HIVEP2: variants seen among roughly 807,000 people sequenced by gnomAD.
The protein encoded by HIVEP2 is HIVEP zinc finger 2.
In HIVEP2, 14 loss-of-function variants were observed where a neutral mutation model predicts 180.7. That is an observed-to-expected ratio of 0.08 (90% confidence interval 0.05 to 0.12). The LOEUF is 0.12. HIVEP2 is among the 10% of genes least tolerant of loss of function. The pLI, the probability that HIVEP2 is intolerant of heterozygous loss-of-function variation, is 1.00. For missense variants in HIVEP2, 2,579 were observed against 3,008.5 expected (o/e 0.86, Z 3.34); for synonymous variants, 1,184 against 1,136.4 (o/e 1.04, Z -0.84).
At chr6:142,793,311 C>T (rs1275015994) in intron 2 of HIVEP2, among the ~76,000 whole-genome samples, 3 of 152,086 alleles carry the variant, frequency 2.0e-5, no homozygotes, top group African/African-American at 7.2e-5. Flanking sequence ...GATACTCATG[C>T]TGTGCTTCAT....
intron 1 of HIVEP2, among the ~76,000 whole-genome samples, chr6:142,905,666 A>C (rs1233674326): frequency 1.3e-5 from 2 of 152,206 alleles, no homozygotes; most frequent in Non-Finnish European, 2.9e-5. Flanking sequence ...TTTACTGTCT[A>C]ATTTATCAAT....
chr6:142,763,355 T>C (rs1001933751), intron 7 of HIVEP2, among the ~76,000 whole-genome samples: 9 of 151,910 alleles, frequency 5.9e-5, no homozygotes, highest in African/African-American at 2.2e-4. Context: ...ACAATGTGGG[T>C]TTGGACAACA....
chr6:142,894,811 G>A (rs1328906521), intron 1 of HIVEP2, among the ~76,000 whole-genome samples: 1 of 152,094 alleles, frequency 6.6e-6, no homozygotes, highest in Non-Finnish European at 1.5e-5. Context: ...TGAACGCAGG[G>A]TCTCCGGCAT....
chr6:142,812,245 T>C (rs1212474960), intron 2 of HIVEP2, among the ~76,000 whole-genome samples: 1 of 152,154 alleles, frequency 6.6e-6, no homozygotes, highest in East Asian at 1.9e-4. Context: ...GTGAGGAAAC[T>C]ACCTGCAGCC....
At chr6:142,915,335 G>A (rs1777524198) in intron 1 of HIVEP2, among the ~76,000 whole-genome samples, 1 of 152,150 alleles carries the variant, frequency 6.6e-6, no homozygotes, top group Non-Finnish European at 1.5e-5. Flanking sequence ...GACAGAAATG[G>A]CGAACACTAC....
intron 1 of HIVEP2, among the ~76,000 whole-genome samples, chr6:142,842,445 GAGA>G (rs772858168): frequency 2.0e-4 from 30 of 152,028 alleles, no homozygotes; most frequent in Non-Finnish European, 3.7e-4. Context: ...TGAAAGGGAA[GAGA>G]AGGACAAAAA....
chr6:142,942,444 T>C (rs1778203361), intron 1 of HIVEP2, among the ~76,000 whole-genome samples: 1 of 152,236 alleles, frequency 6.6e-6, no homozygotes, highest in Non-Finnish European at 1.5e-5. Flanking sequence ...AACGTCTCCC[T>C]ATATACTGTC....
chr6:142,841,459 A>G (rs866926538), intron 1 of HIVEP2, among the ~76,000 whole-genome samples: 24 of 149,992 alleles, frequency 1.6e-4, no homozygotes, highest in Non-Finnish European at 2.5e-4. Flanking sequence ...TGTGTGTGTT[A>G]GTTTTAATTA....
In HIVEP2 at chr6:142,772,630, T is replaced by G; in HGVS notation, c.2109A>C (p.Val703=). ...ENRKRRKEKS[V]GDEEDTPMIC... ...TCATGGGCGTGTCCTCTTCATCCCC[T>G]ACGCTCTTCTCTTTCCGGCGTTTCC... The change falls in exon 5 of 10, where the codon GTA becomes GTC. Residue 703 remains valine, a synonymous_variant. Transcript: ENST00000367603. The surrounding 1 kb of genome is among the most constrained non-coding windows in gnomAD (Gnocchi z 4.9). 6.2e-7 allele frequency: 1 copy of G among 1,614,222 alleles called. No individual in the cohort carries two copies.
At chr6:142,765,052 T>C in intron 6 of HIVEP2, 78 bp from the exon 7 acceptor site, 1 of 1,365,832 alleles carries the variant, frequency 7.3e-7, no homozygotes, top group Non-Finnish European at 9.9e-7. Flanking sequence ...GCTAATTATT[T>C]GCACGGCAAA....
intron 1 of HIVEP2, among the ~76,000 whole-genome samples, chr6:142,895,017 G>C (rs1165040890): frequency 6.6e-6 from 1 of 152,166 alleles, no homozygotes; most frequent in East Asian, 1.9e-4. Flanking sequence ...CAATTTAATT[G>C]TTTATAACAG....
intron 1 of HIVEP2, among the ~76,000 whole-genome samples, chr6:142,874,752 G>T (rs198678): frequency 0.38 from 57,901 of 151,882 alleles, 12,061 homozygotes; most frequent in African/African-American, 0.54. Context: ...GAATAAACAT[G>T]GTCCATTTAT....
chr6:142,765,104 T>C, intron 6 of HIVEP2, 130 bp from the exon 7 acceptor site: 1 of 780,208 alleles, frequency 1.3e-6, no homozygotes, highest in Admixed American at 3.0e-5. Flanking sequence ...CAACTTTACT[T>C]CTACGAAGCC....
chr6:142,931,686 T>A (rs1464526227), intron 1 of HIVEP2, among the ~76,000 whole-genome samples: 3 of 152,224 alleles, frequency 2.0e-5, no homozygotes, highest in African/African-American at 4.8e-5. Context: ...TTGCTACTTA[T>A]AAATGCAGTT....
chr6:142,877,231 T>C (rs1425426885), intron 1 of HIVEP2, among the ~76,000 whole-genome samples: 1 of 152,186 alleles, frequency 6.6e-6, no homozygotes, highest in African/African-American at 2.4e-5. Context: ...GTCCAACCTG[T>C]GCACTAACAA....
chr6:142,788,014 T>TCTATTG (rs1446496431), intron 2 of HIVEP2: 1 of 152,160 alleles, frequency 6.6e-6, no homozygotes, highest in Non-Finnish European at 1.5e-5. Context: ...CTACATATGG[T>TCTATTG]CTATTGCTGA....
chr6:142,810,919 G>A (rs932977504), intron 2 of HIVEP2, among the ~76,000 whole-genome samples: 2 of 152,058 alleles, frequency 1.3e-5, no homozygotes, highest in South Asian at 2.1e-4. Context: ...GAAAGAGGAT[G>A]TTTCCTCAAC....
intron 2 of HIVEP2, among the ~76,000 whole-genome samples, chr6:142,831,787 A>G (rs1266980708): frequency 6.6e-6 from 1 of 152,162 alleles, no homozygotes. Context: ...TGTATTCATG[A>G]CCTGGCTCTG....
In HIVEP2 at chr6:142,772,647, G is replaced by A. The variant is rs773953121; in HGVS notation, c.2092C>T (p.Arg698Trp). 8 of 1,614,148 alleles carry A rather than the reference G, an allele frequency of 5.0e-6. No homozygotes were observed. The highest frequency in any genetic ancestry group is 1.1e-5 in the South Asian group (1 of 91,078). Residue 698 changes from arginine (R) to tryptophan (W), a missense_variant, in exon 5 of 10, where the codon CGG becomes TGG. This residue lies in a region of HIVEP2 where 524 missense variants were observed against 563.6 expected (regional missense o/e 0.93). Coordinates refer to ENST00000367603, the MANE Select transcript of HIVEP2 (RefSeq NM_006734.4). This position sits in a 1 kb window ranked among gnomAD's most constrained non-coding sequence, Gnocchi z 4.9. ...TCATCCCCTACGCTCTTCTCTTTCC[G>A]GCGTTTCCTGTTTTCACAGGTAGTT... Reference protein sequence around the residue: ...FGTTCENRKRRKEKSVGDEED... With the variant: ...FGTTCENRKRWKEKSVGDEED...
Sources: allele counts gnomAD v4.1 joint callset (sites outside exome capture counted in the v4.1 genomes callset), GRCh38; gene constraint gnomAD v4.1.1; regional missense constraint gnomAD v4.1.1; non-coding constraint Gnocchi (gnomAD v3.1); transcripts MANE v1.5; gene names NCBI Gene and HGNC (gene_info 2026-07-23, HGNC 2026-07-21).